Variants in NRL observed in about 807,000 individuals in gnomAD.
NRL encodes neural retina-specific leucine zipper protein.
NRL carries 16 observed loss-of-function variants against 12.5 expected under a neutral mutation model. The observed-to-expected ratio is 1.28, with a 90% confidence interval of 0.87 to 1.95. The LOEUF (loss-of-function observed/expected upper bound fraction) is 1.95. NRL is among the 30% of genes most tolerant of loss of function. NRL has a pLI of 0.00. For synonymous variants in NRL, 142 were observed against 150.9 expected (o/e 0.94, Z 0.43); for missense variants, 314 against 325.8 (o/e 0.96, Z 0.28).
chr14:24,106,200 G>C (rs2037336769), intron 1 of NRL, among the ~76,000 whole-genome samples: 1 of 152,232 alleles, frequency 6.6e-6, no homozygotes, highest in Non-Finnish European at 1.5e-5. Flanking sequence ...GTGCAATCTG[G>C]ATCAGGCTGA....
intron 1 of NRL, chr14:24,102,963 G>A (rs2037225627): frequency 1.4e-6 from 2 of 1,461,418 alleles, no homozygotes; most frequent in African/African-American, 2.8e-5. Context: ...CCCTCCCTCT[G>A]ATCCAGAGCC....
intron 1 of NRL, chr14:24,097,123 C>T (rs763802445): frequency 6.2e-7 from 1 of 1,613,786 alleles, no homozygotes; most frequent in Non-Finnish European, 8.5e-7. Context: ...GAAAGCTCCC[C>T]AAGTACAATA....
At chr14:24,098,715 C>G (rs778868207) in intron 1 of NRL, 1 of 1,553,592 alleles carries the variant, frequency 6.4e-7, no homozygotes, top group Non-Finnish European at 8.9e-7. Flanking sequence ...AACACAGAGG[C>G]CTTCTTGTAC....
At position 24,114,037 on chromosome 14, in the gene NRL, AG is replaced by A. The variant is rs113214905; in HGVS notation, c.-28+684del. 1.2e-3 allele frequency among the ~76,000 whole-genome samples: 180 copies of A among 151,996 alleles called. 3 individuals are homozygous for A. Among genetic ancestry groups the A allele is most frequent in the South Asian group, 1.7e-3 (8 of 4,808 alleles). Reference sequence around the variant, plus strand: ...GGCTTGTTACTCATAAACCCGCAGGAGGGGGCAGGAGGGGGCAGGAGGCGGC... The same window carrying A: ...GGCTTGTTACTCATAAACCCGCAGGAGGGGCAGGAGGGGGCAGGAGGCGGC... On this transcript the variant is annotated intron_variant, in intron 1 of 2. Transcript: ENST00000561028.
intron 1 of NRL, among the ~76,000 whole-genome samples, chr14:24,113,167 G>A (rs112317051): frequency 0.057 from 5,457 of 95,076 alleles, 240 homozygotes; most frequent in Non-Finnish European, 0.089. Flanking sequence ...CTCATAGGTG[G>A]GAATTGAACA....
intron 1 of NRL, among the ~76,000 whole-genome samples, chr14:24,107,409 T>C (rs1435250667): frequency 2.0e-5 from 3 of 152,146 alleles, no homozygotes; most frequent in South Asian, 4.1e-4. Flanking sequence ...TGAACACCTT[T>C]GGAACACTAC....
At chr14:24,109,066 C>T (rs763546278) in intron 1 of NRL, among the ~76,000 whole-genome samples, 1 of 152,194 alleles carries the variant, frequency 6.6e-6, no homozygotes, top group Admixed American at 6.5e-5. Flanking sequence ...CTGACATTTA[C>T]TTAGCAATTA....
chr14:24,086,657 C>T (rs2036474717), intron 1 of NRL, among the ~76,000 whole-genome samples: 1 of 152,182 alleles, frequency 6.6e-6, no homozygotes, highest in Non-Finnish European at 1.5e-5. Context: ...TGAGTGCAGC[C>T]CCTTTTTCAT....
At chr14:24,110,014 T>C (rs2037394874) in intron 1 of NRL, among the ~76,000 whole-genome samples, 1 of 152,226 alleles carries the variant, frequency 6.6e-6, no homozygotes, top group Non-Finnish European at 1.5e-5. Flanking sequence ...TCAGGTGCTA[T>C]AGCTGTATTC....
intron 1 of NRL, among the ~76,000 whole-genome samples, chr14:24,087,960 T>C (rs1167329598): frequency 6.6e-6 from 1 of 152,002 alleles, no homozygotes; most frequent in Non-Finnish European, 1.5e-5. Context: ...CTGGGGAGGA[T>C]GAGGGTGCAG....
Position 24,102,414 on chromosome 14 carries a change from AATT to A in NRL, c.-28+12305_-28+12307del, listed in dbSNP as rs1207446728. Among the ~76,000 whole-genome samples, 5 of 152,224 alleles carry A rather than the reference AATT, an allele frequency of 3.3e-5. No homozygotes were observed. In the East Asian group the frequency reaches 9.6e-4, roughly 29 times the overall value. On this transcript the variant is annotated intron_variant, in intron 1 of 2. Coordinates refer to ENST00000561028, the MANE Select transcript of NRL (RefSeq NM_001354768.3). ...ATAATGAAATAGTTTCTGGGGGAAA[AATT>A]ATTATAACCTTATGCCCATATCTAA...
intron 1 of NRL, chr14:24,103,658 G>A (rs1175262229): frequency 6.2e-6 from 10 of 1,614,116 alleles, no homozygotes; most frequent in African/African-American, 1.3e-5. Flanking sequence ...GGCGTGACGA[G>A]GCAGGGCACT....
intron 1 of NRL, among the ~76,000 whole-genome samples, chr14:24,101,482 C>T (rs988230885): frequency 3.3e-5 from 5 of 152,232 alleles, no homozygotes; most frequent in African/African-American, 1.2e-4. Context: ...CCCAACCCCC[C>T]TCCAGGACAC....
chr14:24,100,497 G>A, intron 1 of NRL: 1 of 795,050 alleles, frequency 1.3e-6, no homozygotes, highest in Non-Finnish European at 1.8e-6. Context: ...GATTGTTGGA[G>A]GATTAAATAG....
intron 1 of NRL, chr14:24,098,417 G>A: frequency 1.2e-6 from 2 of 1,612,044 alleles, no homozygotes; most frequent in Non-Finnish European, 8.5e-7. Flanking sequence ...AGTGGCAAGG[G>A]CACGGAAGAT....
At chr14:24,109,575 G>C (rs2037387124) in intron 1 of NRL, among the ~76,000 whole-genome samples, 1 of 151,920 alleles carries the variant, frequency 6.6e-6, no homozygotes, top group Admixed American at 6.6e-5. Context: ...GCGGGCGCCT[G>C]TAGTCCCAGG....
chr14:24,103,643 G>C (rs898121821), intron 1 of NRL: 1 of 1,614,194 alleles, frequency 6.2e-7, no homozygotes, highest in Non-Finnish European at 8.5e-7. Context: ...ATGTCAACTG[G>C]TTCCGGCGTG....
chr14:24,100,156 C>T (rs1206371356), intron 1 of NRL: 1 of 1,614,010 alleles, frequency 6.2e-7, no homozygotes, highest in Non-Finnish European at 8.5e-7. Flanking sequence ...GGGCATTGAC[C>T]AGCCTCTTCC....
intron 1 of NRL, among the ~76,000 whole-genome samples, chr14:24,105,888 G>C (rs1488750519): frequency 1.3e-5 from 2 of 152,196 alleles, no homozygotes; most frequent in Non-Finnish European, 2.9e-5. Context: ...CTGGGGGACA[G>C]AGCAAGACTC....
Sources: gnomAD v4.1 joint callset for allele counts (sites outside exome capture counted in the v4.1 genomes callset) on GRCh38, gnomAD v4.1.1 for gene constraint, MANE v1.5 for transcripts, NCBI Gene and HGNC (gene_info 2026-07-23, HGNC 2026-07-21) for gene names.